Variants in CLMN observed in about 807,000 individuals in gnomAD.
CLMN encodes calmin, also known as calmin (calponin-like, transmembrane).
In CLMN, 57 loss-of-function variants were observed where a neutral mutation model predicts 92.7. The ratio of observed to expected loss-of-function variants is 0.61; its 90% CI spans 0.50 to 0.77. CLMN has a LOEUF of 0.77. Among genes scored for constraint, CLMN ranks in the 30% least tolerant of loss-of-function variants. CLMN has a pLI of 0.00. For missense variants in CLMN, 1,158 were observed against 1,237.5 expected, an observed-to-expected ratio of 0.94 and a Z score of 0.96; for synonymous variants, 466 against 470.6, an observed-to-expected ratio of 0.99 and a Z score of 0.13.
At chr14:95,255,916 T>A (rs1595064392) in intron 1 of CLMN, among the ~76,000 whole-genome samples, 1 of 152,196 alleles carries the variant, frequency 6.6e-6, no homozygotes, top group Non-Finnish European at 1.5e-5. Context: ...TAGGAGCACA[T>A]GTACCATGTT....
chr14:95,236,969 A>G (rs965172914), intron 1 of CLMN, among the ~76,000 whole-genome samples: 6 of 152,312 alleles, frequency 3.9e-5, no homozygotes, highest in East Asian at 3.9e-4. Context: ...AAGAAGGAAG[A>G]ACAGCTATGA....
At chr14:95,193,329 A>C in intron 12 of CLMN, 1 of 1,533,582 alleles carries the variant, frequency 6.5e-7, no homozygotes, top group East Asian at 2.4e-5. Flanking sequence ...TTTCATAGAC[A>C]TCCTGGCATG....
Position 95,275,972 on chromosome 14 carries a change from T to C in CLMN, c.82+43739A>G, listed in dbSNP as rs1236961135. 3.3e-5 allele frequency among the ~76,000 whole-genome samples: 5 copies of C among 152,192 alleles called. No homozygotes were observed. The East Asian group carries it at 9.6e-4, about 29-fold the overall frequency. ...GCCACCATGCCTGGCCTTTTTCCTT[T>C]ACTTTCTTAATAAACTTGCTTCGCT... On this transcript the variant is annotated intron_variant, in intron 1 of 12. Coordinates refer to ENST00000298912, the MANE Select transcript of CLMN (RefSeq NM_024734.4).
rs554762857 is a variant in CLMN, at chr14:95,183,908, A to G, written c.*7656T>C. 1.3e-5 allele frequency: 2 copies of G among 152,326 alleles called. No homozygotes were observed. Among genetic ancestry groups the G allele is most frequent in the South Asian group, 4.1e-4 (2 of 4,828 alleles). 9.4% of individuals were successfully genotyped at this position (152,326 alleles called of 1,614,324 possible). A position where few individuals can be genotyped will look rare whatever the true frequency, so the allele number is the denominator to read the frequency against. Reference sequence around the variant, plus strand: ...CCTCCCACGATTGTTCTAAGGGTCAAGTGAGTTAATGAGTAAACAATGGCT... The same window carrying G: ...CCTCCCACGATTGTTCTAAGGGTCAGGTGAGTTAATGAGTAAACAATGGCT... On this transcript the variant is annotated 3_prime_UTR_variant, in exon 13 of 13. Transcript: ENST00000298912.
At chr14:95,281,913 G>A (rs1423950671) in intron 1 of CLMN, among the ~76,000 whole-genome samples, 1 of 152,160 alleles carries the variant, frequency 6.6e-6, no homozygotes, top group Non-Finnish European at 1.5e-5. Flanking sequence ...GGCAGATGAA[G>A]GCAGAAAGAG....
At chr14:95,310,322 G>A (rs1262078053) in intron 1 of CLMN, among the ~76,000 whole-genome samples, 1 of 152,196 alleles carries the variant, frequency 6.6e-6, no homozygotes, top group Non-Finnish European at 1.5e-5. Context: ...GTCCCATCCT[G>A]CAGCAGCACT....
chr14:95,220,500 C>T (rs1217208423), intron 4 of CLMN, among the ~76,000 whole-genome samples: 2 of 152,172 alleles, frequency 1.3e-5, no homozygotes, highest in African/African-American at 2.4e-5. Flanking sequence ...TTTGAGAATC[C>T]ACTTGTCCGT....
intron 1 of CLMN, among the ~76,000 whole-genome samples, chr14:95,265,810 GC>G (rs761522396): frequency 1.3e-5 from 2 of 152,236 alleles, no homozygotes; most frequent in Non-Finnish European, 2.9e-5. Context: ...ACATTCTCCA[GC>G]CTTGAGGAAG....
intron 1 of CLMN, among the ~76,000 whole-genome samples, chr14:95,304,836 G>A (rs1368102620): frequency 1.3e-5 from 2 of 152,066 alleles, no homozygotes; most frequent in Non-Finnish European, 2.9e-5. Flanking sequence ...ACAGGAGACT[G>A]TAAGACCCTT....
intron 6 of CLMN, among the ~76,000 whole-genome samples, chr14:95,211,738 G>C (rs561679290): frequency 6.6e-6 from 1 of 151,880 alleles, no homozygotes; most frequent in South Asian, 2.1e-4. Context: ...ACAGTACAGA[G>C]AGTCTCTACT....
chr14:95,236,914 G>A (rs1351170938), intron 1 of CLMN, among the ~76,000 whole-genome samples: 3 of 152,140 alleles, frequency 2.0e-5, no homozygotes, highest in Non-Finnish European at 4.4e-5. Context: ...GTAGTTATTC[G>A]TCAGGCACTA....
rs755943691 is a variant in CLMN, at chr14:95,203,376, T to C, written c.1973A>G (p.His658Arg). 1.2e-6 allele frequency: 2 copies of C among 1,614,180 alleles called. No homozygotes were observed. Among genetic ancestry groups the C allele is most frequent in the South Asian group, 1.1e-5 (1 of 91,082 alleles). Residue 658 changes from histidine (H) to arginine (R), a missense_variant, in exon 9 of 13, where the codon CAT (histidine) becomes CGT (arginine). His to Arg is a conservative substitution (Grantham distance 29). Transcript: ENST00000298912. ...GGTGGACTTTCTCTTGGCCTTTTCA[T>C]GCACCTCTGGCTTTTTATCCACTGG... ...ETPVDKKPEV[H>R]EKAKRKSTRP...
At chr14:95,218,607 G>A (rs1480954023) in intron 4 of CLMN, among the ~76,000 whole-genome samples, 1 of 152,214 alleles carries the variant, frequency 6.6e-6, no homozygotes, top group African/African-American at 2.4e-5. Context: ...TGACCAGCGA[G>A]GGCCCACTGA....
intron 1 of CLMN, chr14:95,296,269 C>G (rs1356053230): frequency 6.6e-6 from 1 of 152,182 alleles, no homozygotes. Context: ...TATCAGAGAC[C>G]ACCTCCTGTG....
chr14:95,307,308 C>T (rs1355228592), intron 1 of CLMN, among the ~76,000 whole-genome samples: 1 of 152,234 alleles, frequency 6.6e-6, no homozygotes, highest in Non-Finnish European at 1.5e-5. Flanking sequence ...GCCTGGGTCA[C>T]AGGGGTGGCC....
chr14:95,285,979 G>T (rs1900326379), intron 1 of CLMN, among the ~76,000 whole-genome samples: 1 of 152,158 alleles, frequency 6.6e-6, no homozygotes, highest in African/African-American at 2.4e-5. Context: ...GTGCATGCAA[G>T]ATCATCTCTG....
At chr14:95,206,725 T>C (rs563392554) in intron 8 of CLMN, among the ~76,000 whole-genome samples, 79 of 152,376 alleles carry the variant, frequency 5.2e-4, no homozygotes, top group African/African-American at 1.5e-3. Context: ...GTATTATTTC[T>C]GGCTCAATCT....
At chr14:95,202,301 GT>G (rs1270640927) in intron 9 of CLMN, among the ~76,000 whole-genome samples, 7 of 152,130 alleles carry the variant, frequency 4.6e-5, no homozygotes, top group Non-Finnish European at 8.8e-5. Flanking sequence ...TCTCATTGTG[GT>G]TTTGATTTGC....
At chr14:95,233,131 T>C (rs781199335) in intron 1 of CLMN, among the ~76,000 whole-genome samples, 18 of 152,182 alleles carry the variant, frequency 1.2e-4, no homozygotes, top group Non-Finnish European at 1.9e-4. Flanking sequence ...TACACACACA[T>C]TCAAACACTC....
Sources: gnomAD v4.1 joint callset for allele counts (sites outside exome capture counted in the v4.1 genomes callset) on GRCh38, gnomAD v4.1.1 for gene constraint, MANE v1.5 for transcripts, NCBI Gene and HGNC (gene_info 2026-07-23, HGNC 2026-07-21) for gene names.